The following GALNT13 variants were observed in gnomAD, a reference collection of about 807,000 sequenced individuals.
The protein encoded by GALNT13 is UDP-GalNAc:polypeptide N-acetylgalactosaminyltransferase 13.
Under a neutral mutation model 64.2 loss-of-function variants are expected in GALNT13, and 28 were observed. That is an observed-to-expected ratio of 0.44 (90% CI 0.32 to 0.60). GALNT13 has a LOEUF of 0.60. Ranked by LOEUF, GALNT13 falls within the 20% of genes least tolerant of loss-of-function variation. The pLI is 0.05. For synonymous variants in GALNT13, 214 were observed against 224.6 expected (o/e 0.95, Z 0.42); for missense variants, 577 against 669.8 (o/e 0.86, Z 1.53).
the GALNT13 span, among the ~76,000 whole-genome samples, chr2:153,395,229 C>T: frequency 6.6e-6 from 1 of 152,146 alleles, no homozygotes; most frequent in African/African-American, 2.4e-5. Flanking sequence ...ACTATTCCAT[C>T]ATATCCACAG....
chr2:154,197,118 A>G (rs1686921171), intron 4 of GALNT13, among the ~76,000 whole-genome samples: 1 of 152,102 alleles, frequency 6.6e-6, no homozygotes, highest in Non-Finnish European at 1.5e-5. Context: ...AACATCCTTA[A>G]GTTATTTGAT....
At chr2:153,857,501 A>G in the GALNT13 span, among the ~76,000 whole-genome samples, 5 of 152,192 alleles carry the variant, frequency 3.3e-5, no homozygotes, top group Admixed American at 3.3e-4. Context: ...CAGCTGTGAG[A>G]GAAGCAACAG....
chr2:153,977,574 G>T (rs1473001931), intron 3 of GALNT13, among the ~76,000 whole-genome samples: 1 of 152,106 alleles, frequency 6.6e-6, no homozygotes, highest in Non-Finnish European at 1.5e-5. Flanking sequence ...TCCCTCCCAC[G>T]ACATGTGGGG....
the GALNT13 span, among the ~76,000 whole-genome samples, chr2:153,234,716 C>G: frequency 6.6e-6 from 1 of 152,130 alleles, no homozygotes; most frequent in Non-Finnish European, 1.5e-5. Context: ...CTCATATTTC[C>G]TTAAGGAGGA....
At chr2:153,872,624 G>C (rs1233690455) in intron 1 of GALNT13, among the ~76,000 whole-genome samples, 1 of 99,258 alleles carries the variant, frequency 1.0e-5, no homozygotes, top group African/African-American at 3.5e-5. Flanking sequence ...GGTGGCGGGG[G>C]GGGGGGGGGG....
At chr2:153,482,756 C>A in the GALNT13 span, among the ~76,000 whole-genome samples, 1 of 150,386 alleles carries the variant, frequency 6.6e-6, no homozygotes, top group African/African-American at 2.5e-5. Flanking sequence ...CAGGCGTAGC[C>A]AACGCACCCA....
intron 8 of GALNT13, among the ~76,000 whole-genome samples, chr2:154,296,385 C>T (rs1264860392): frequency 4.6e-5 from 7 of 152,168 alleles, no homozygotes; most frequent in African/African-American, 1.7e-4. Flanking sequence ...GTACAACTGT[C>T]CAGCTGGGAG....
the GALNT13 span, among the ~76,000 whole-genome samples, chr2:153,475,312 T>C: frequency 6.6e-6 from 1 of 152,214 alleles, no homozygotes; most frequent in Non-Finnish European, 1.5e-5. Flanking sequence ...CTGTAGTGCA[T>C]AGATCATAGA....
chr2:154,166,983 G>C (rs948199789), intron 4 of GALNT13, among the ~76,000 whole-genome samples: 4 of 152,038 alleles, frequency 2.6e-5, no homozygotes, highest in Non-Finnish European at 4.4e-5. Context: ...GTTGTGGGGT[G>C]GGGGGAGTGG....
chr2:153,135,661 A>AT, the GALNT13 span, among the ~76,000 whole-genome samples: 1 of 151,848 alleles, frequency 6.6e-6, no homozygotes, highest in East Asian at 1.9e-4. Flanking sequence ...TGTGTGTGTG[A>AT]TTTTTTCACC....
the GALNT13 span, among the ~76,000 whole-genome samples, chr2:153,295,724 G>A: frequency 0.23 from 35,068 of 151,986 alleles, 4,902 homozygotes; most frequent in Non-Finnish European, 0.32. Flanking sequence ...GCATCACCTG[G>A]GAGTTTCTCT....
chr2:153,346,532 A>G, the GALNT13 span, among the ~76,000 whole-genome samples: 2 of 152,170 alleles, frequency 1.3e-5, no homozygotes, highest in Non-Finnish European at 2.9e-5. Context: ...TTTTTTAATG[A>G]AAGATTCTCT....
the GALNT13 span, among the ~76,000 whole-genome samples, chr2:153,728,634 T>C: frequency 6.6e-6 from 1 of 151,388 alleles, no homozygotes; most frequent in Admixed American, 6.6e-5. Context: ...AGACAAGAAA[T>C]AAGTAAGATC....
intron 3 of GALNT13, among the ~76,000 whole-genome samples, chr2:153,967,002 T>C (rs1486128866): frequency 6.6e-6 from 1 of 152,152 alleles, no homozygotes; most frequent in South Asian, 2.1e-4. Context: ...TGATCAATTC[T>C]GCTTTTGAGA....
chr2:154,170,755 A>G (rs183223682), intron 4 of GALNT13, among the ~76,000 whole-genome samples: 1 of 152,294 alleles, frequency 6.6e-6, no homozygotes, highest in African/African-American at 2.4e-5. Context: ...GTATTATTAT[A>G]TTTTCCTTGT....
chr2:154,157,589 AAAT>A (rs1187587022), intron 4 of GALNT13, among the ~76,000 whole-genome samples: 1 of 152,358 alleles, frequency 6.6e-6, no homozygotes, highest in East Asian at 1.9e-4. Flanking sequence ...TGTATAAACA[AAAT>A]ACTTCTCTAG....
At chr2:153,502,855 T>G in the GALNT13 span, among the ~76,000 whole-genome samples, 1 of 152,374 alleles carries the variant, frequency 6.6e-6, no homozygotes, top group African/African-American at 2.4e-5. Context: ...TGAGCATTTT[T>G]TCATGTTTTT....
chr2:154,003,236 C>T (rs1199488669), intron 3 of GALNT13, among the ~76,000 whole-genome samples: 9 of 152,138 alleles, frequency 5.9e-5, no homozygotes, highest in Non-Finnish European at 1.2e-4. Context: ...GTTGGCCCTC[C>T]CATTGCTTCC....
the GALNT13 span, among the ~76,000 whole-genome samples, chr2:153,171,214 T>C: frequency 6.6e-6 from 1 of 152,232 alleles, no homozygotes; most frequent in Non-Finnish European, 1.5e-5. Context: ...GATGCACATC[T>C]GAGAAGTGAG....
Sources: gnomAD v4.1 joint callset for allele counts (sites outside exome capture counted in the v4.1 genomes callset) on GRCh38, gnomAD v4.1.1 for gene constraint, MANE v1.5 for transcripts, NCBI Gene and HGNC (gene_info 2026-07-23, HGNC 2026-07-21) for gene names.